The following DMRT1 variants were observed in gnomAD, a reference collection of about 807,000 sequenced individuals.
DMRT1 encodes doublesex- and mab-3-related transcription factor 1.
In DMRT1, 7 loss-of-function variants were observed where a neutral mutation model predicts 32.3. The observed-to-expected ratio is 0.22, with a 90% CI of 0.12 to 0.41. DMRT1 has a LOEUF of 0.41. Among genes scored for constraint, DMRT1 ranks in the 10% least tolerant of loss-of-function variants. The pLI is 1.00. For missense variants in DMRT1, 625 were observed against 500.5 expected, an observed-to-expected ratio of 1.25 and a Z score of -2.37; for synonymous variants, 278 against 206.1, an observed-to-expected ratio of 1.35 and a Z score of -2.99.
chr9:953,680 A>G (rs1000070100), intron 4 of DMRT1, among the ~76,000 whole-genome samples: 12 of 152,136 alleles, frequency 7.9e-5, no homozygotes. Flanking sequence ...GGGGCCAGCA[A>G]TCATCTCTTC....
intron 4 of DMRT1, among the ~76,000 whole-genome samples, chr9:946,099 C>T (rs1819236381): frequency 6.6e-6 from 1 of 150,664 alleles, no homozygotes; most frequent in African/African-American, 2.4e-5. Context: ...AGTTAATTTT[C>T]TTATTTATTG....
intron 2 of DMRT1, among the ~76,000 whole-genome samples, chr9:854,794 C>T (rs1038894675): frequency 1.3e-4 from 14 of 111,538 alleles, no homozygotes; most frequent in Admixed American, 7.5e-4. Flanking sequence ...GAAACAGAGT[C>T]TCACTCTGTC....
At chr9:901,367 C>T (rs144078757) in intron 3 of DMRT1, among the ~76,000 whole-genome samples, 4,042 of 151,984 alleles carry the variant, frequency 0.027, 181 homozygotes, top group African/African-American at 0.093. Context: ...CACTCTGTTG[C>T]CCAGGCTAGA....
At chr9:903,175 T>C (rs1817652579) in intron 3 of DMRT1, among the ~76,000 whole-genome samples, 1 of 152,192 alleles carries the variant, frequency 6.6e-6, no homozygotes, top group African/African-American at 2.4e-5. Context: ...CCCAATTCTC[T>C]TGGGTCTTTA....
chr9:880,474 C>A (rs923296379), intron 2 of DMRT1, among the ~76,000 whole-genome samples: 1 of 151,760 alleles, frequency 6.6e-6, no homozygotes, highest in East Asian at 1.9e-4. Flanking sequence ...CACCTGTAAT[C>A]CCAGCACTTT....
chr9:918,416 A>C (rs145365262), intron 4 of DMRT1, among the ~76,000 whole-genome samples: 1 of 152,342 alleles, frequency 6.6e-6, no homozygotes. Context: ...ACAAAAATAT[A>C]AGAGGCAATT....
intron 4 of DMRT1, among the ~76,000 whole-genome samples, chr9:958,276 A>G (rs1819662319): frequency 6.6e-6 from 1 of 152,190 alleles, no homozygotes; most frequent in Admixed American, 6.5e-5. Context: ...CACAATATTT[A>G]TTTTCAAATT....
At chr9:959,379 G>C (rs997418619) in intron 4 of DMRT1, among the ~76,000 whole-genome samples, 51 of 152,350 alleles carry the variant, frequency 3.3e-4, no homozygotes, top group Admixed American at 3.1e-3. Flanking sequence ...GCCACCACTT[G>C]TCAGAGGGTG....
intron 2 of DMRT1, among the ~76,000 whole-genome samples, chr9:874,297 G>C (rs544072707): frequency 6.6e-6 from 1 of 152,246 alleles, no homozygotes; most frequent in East Asian, 1.9e-4. Flanking sequence ...AGGATCATTT[G>C]AATAGTTCTC....
At chr9:874,801 C>CTTTTTTTTTTT (rs71327354) in intron 2 of DMRT1, among the ~76,000 whole-genome samples, 2 of 76,924 alleles carry the variant, frequency 2.6e-5, no homozygotes, top group Non-Finnish European at 2.2e-5. Context: ...ACAAGTTAAT[C>CTTTTTTTTTTT]TTTTTTTTTT....
chr9:921,832 A>G (rs1445072307), intron 4 of DMRT1, among the ~76,000 whole-genome samples: 2 of 152,264 alleles, frequency 1.3e-5, no homozygotes, highest in Admixed American at 6.5e-5. Flanking sequence ...TGATCACACC[A>G]TTGCACTCCA....
At chr9:956,476 A>T (rs910796679) in intron 4 of DMRT1, among the ~76,000 whole-genome samples, 16 of 151,898 alleles carry the variant, frequency 1.1e-4, no homozygotes, top group African/African-American at 3.9e-4. Context: ...AGGCAAGAGG[A>T]TCACCTGAGC....
At chr9:949,860 AG>A (rs1819372638) in intron 4 of DMRT1, among the ~76,000 whole-genome samples, 1 of 152,208 alleles carries the variant, frequency 6.6e-6, no homozygotes, top group Non-Finnish European at 1.5e-5. Context: ...AGTGTCCTCC[AG>A]GTTCATTCCG....
chr9:940,257 T>C (rs1177961306), intron 4 of DMRT1, among the ~76,000 whole-genome samples: 1 of 152,132 alleles, frequency 6.6e-6, no homozygotes, highest in African/African-American at 2.4e-5. Flanking sequence ...CAGATACTTG[T>C]ACACCAAACC....
At chr9:917,968 A>G (rs1419402185) in intron 4 of DMRT1, among the ~76,000 whole-genome samples, 1 of 152,242 alleles carries the variant, frequency 6.6e-6, no homozygotes, top group African/African-American at 2.4e-5. Flanking sequence ...GTGGACAAGC[A>G]CAACTCTGTT....
At position 942,101 on chromosome 9, in the gene DMRT1, A is replaced by C. The variant is rs542526033; in HGVS notation, c.967+25194A>C. On this transcript the variant is annotated intron_variant, in intron 4 of 4. Coordinates refer to ENST00000382276, the MANE Select transcript of DMRT1 (RefSeq NM_021951.3). Reference sequence around the variant, plus strand: ...CATTTTAAGTGACATAGGTATGACAACATCTTGGTATTTGAATAAAATTGC... The same window carrying C: ...CATTTTAAGTGACATAGGTATGACACCATCTTGGTATTTGAATAAAATTGC... Among the ~76,000 whole-genome samples, 3 of 152,306 alleles carry C rather than the reference A, an allele frequency of 2.0e-5. No homozygotes were observed. In the South Asian group the frequency reaches 6.2e-4, roughly 32 times the overall value.
At chr9:912,415 A>C (rs982837997) in intron 3 of DMRT1, among the ~76,000 whole-genome samples, 8 of 152,210 alleles carry the variant, frequency 5.3e-5, no homozygotes, top group African/African-American at 1.4e-4. Context: ...TTTATAGCTC[A>C]GTGATCTTGG....
chr9:858,605 G>A (rs1434722191), intron 2 of DMRT1, among the ~76,000 whole-genome samples: 1 of 152,066 alleles, frequency 6.6e-6, no homozygotes, highest in African/African-American at 2.4e-5. Flanking sequence ...TGGGCGCAGT[G>A]GCTCACGCCT....
rs1817889220 is a variant in DMRT1 at position 909,313 on chromosome 9, T to G, written c.823-7450T>G. Among the ~76,000 whole-genome samples, 6 of 152,152 alleles carry G rather than the reference T, an allele frequency of 3.9e-5. No homozygotes were observed. The South Asian group carries it at 1.2e-3, about 32-fold the overall frequency. On this transcript the variant is annotated intron_variant, in intron 3 of 4. Transcript: ENST00000382276. ...AATAGCAATCATTTTAGCCTATATA[T>G]TAAAATTTTTTTCTCAGCTGTGAAA... is the stretch of plus-strand genomic sequence containing the variant.
Sources: allele counts gnomAD v4.1 joint callset (sites outside exome capture counted in the v4.1 genomes callset), GRCh38; gene constraint gnomAD v4.1.1; transcripts MANE v1.5; gene names NCBI Gene and HGNC (gene_info 2026-07-23, HGNC 2026-07-21).